PPARA: variants seen among roughly 807,000 people sequenced by gnomAD.
PPARA encodes the protein peroxisome proliferator activated receptor alpha.
Under a neutral mutation model 42.2 loss-of-function variants are expected in PPARA, and 22 were observed. That is an observed-to-expected ratio of 0.52 (90% CI 0.37 to 0.74). The LOEUF is 0.74. Among genes scored for constraint, PPARA ranks in the 30% least tolerant of loss-of-function variants. The pLI, the probability that PPARA is intolerant of heterozygous loss-of-function variation, is 0.00. For synonymous variants in PPARA, 242 were observed against 239.3 expected (o/e 1.01, Z -0.10); for missense variants, 465 against 608.2 (o/e 0.76, Z 2.48).
Position 46,191,053 on chromosome 22 carries a change from C to T in PPARA, c.-42-7289C>T, listed in dbSNP as rs780959276. ...CTAAATATACAAAAAATTAGCCGGG[C>T]GTGGTGGTGTGTGCCTGTAGTCCCA... On this transcript the variant is annotated intron_variant, in intron 3 of 8. Transcript: ENST00000407236. The surrounding 1 kb of genome is among the most constrained non-coding windows in gnomAD (Gnocchi z 4.6). Among the ~76,000 whole-genome samples, 15 of 151,864 alleles carry T rather than the reference C, an allele frequency of 9.9e-5. No homozygotes were observed. Among genetic ancestry groups the T allele is most frequent in the Non-Finnish European group, 1.8e-4 (12 of 67,968 alleles).
At position 46,233,815 on chromosome 22, in the gene PPARA, A is replaced by T. The variant is rs1936044374; in HGVS notation, c.1160-1318A>T. On this transcript the variant is annotated intron_variant, in intron 8 of 8. Transcript: ENST00000407236. This position sits in a 1 kb window ranked among gnomAD's most constrained non-coding sequence, Gnocchi z 7.3. ...TTATGAGGGGGGATTTCTATTTTTCAAAAGATTCCTCCTTTTTTTTTTTTT... is the reference window on the plus strand; with the variant it reads ...TTATGAGGGGGGATTTCTATTTTTCTAAAGATTCCTCCTTTTTTTTTTTTT... 6.6e-6 allele frequency among the ~76,000 whole-genome samples: 1 copy of T among 151,880 alleles called. No individual in the cohort carries two copies. Among genetic ancestry groups the T allele is most frequent in the Non-Finnish European group, 1.5e-5 (1 of 67,990 alleles).
chr22:46,227,471 C>T lies in PPARA; in HGVS notation c.712-4321C>T, dbSNP rs1203135594. ...TTTGCCATGTTGGCCGGGCTGGTCT[C>T]GAAATCCTGACCTCAGGTCATCCAC... On this transcript the variant is annotated intron_variant, in intron 7 of 8. Transcript: ENST00000407236. The surrounding 1 kb of genome is among the most constrained non-coding windows in gnomAD (Gnocchi z 4.3). Among the ~76,000 whole-genome samples the T allele has an allele frequency of 2.6e-5, 4 of 152,202 alleles. No homozygotes were observed. The highest frequency in any genetic ancestry group is 4.8e-5 in the African/African-American group (2 of 41,450).
At chr22:46,214,729 T>G (rs1209286935) in intron 4 of PPARA, among the ~76,000 whole-genome samples, 1 of 140,198 alleles carries the variant, frequency 7.1e-6, no homozygotes, top group Non-Finnish European at 1.5e-5. Context: ...TGTGCAAATC[T>G]GAAGATGTGT....
In PPARA at chr22:46,237,778, G is replaced by A. The variant is rs1037666309; in HGVS notation, c.*2398G>A. 1 of 152,268 alleles carries A rather than the reference G, an allele frequency of 6.6e-6. No homozygotes were observed. Among genetic ancestry groups the A allele is most frequent in the Non-Finnish European group, 1.5e-5 (1 of 68,060 alleles). 9.4% of individuals were successfully genotyped at this position (152,268 alleles called of 1,614,324 possible). A position where few individuals can be genotyped will look rare whatever the true frequency, so the allele number is the denominator to read the frequency against. On this transcript the variant is annotated 3_prime_UTR_variant, in exon 9 of 9. Transcript: ENST00000407236. The surrounding 1 kb of genome is among the most constrained non-coding windows in gnomAD (Gnocchi z 6.7). ...AATTCAGAAAGAAGCTAGCCTTTGA[G>A]TGTCTGTCATGGTGCATCCGTTTCA... is the stretch of plus-strand genomic sequence containing the variant.
chr22:46,234,015 G>A lies in PPARA; in HGVS notation c.1160-1118G>A, dbSNP rs1486327958. ...ATTTTTGTATTTTTAGTAAAGATGG[G>A]GTTTCACCATATTGGCCAGGCTGGT... On this transcript the variant is annotated intron_variant, in intron 8 of 8. Transcript: ENST00000407236. The surrounding 1 kb of genome is among the most constrained non-coding windows in gnomAD (Gnocchi z 5.8). Among the ~76,000 whole-genome samples the A allele has an allele frequency of 6.6e-6, 1 of 151,980 alleles. No homozygotes were observed.
chr22:46,166,567 G>A (rs1350612690), intron 2 of PPARA, among the ~76,000 whole-genome samples: 4 of 150,312 alleles, frequency 2.7e-5, no homozygotes, highest in Admixed American at 1.3e-4. Context: ...GCAGTGAGCC[G>A]AGATCATGCC....
In PPARA at chr22:46,162,559, C is replaced by A. The variant is rs762248144; in HGVS notation, c.-127+10589C>A. ...TTGTAACACCTGGTGCTTTTCCTTT[C>A]GTGCACTCAGGCAGTGTTTATTCAA... On this transcript the variant is annotated intron_variant, in intron 2 of 8. Coordinates refer to ENST00000407236, the MANE Select transcript of PPARA (RefSeq NM_005036.6). This position sits in a 1 kb window ranked among gnomAD's most constrained non-coding sequence, Gnocchi z 6.0. Among the ~76,000 whole-genome samples the A allele has an allele frequency of 3.9e-5, 6 of 152,126 alleles. No individual in the cohort carries two copies. The highest frequency in any genetic ancestry group is 7.3e-5 in the Non-Finnish European group (5 of 68,028).
intron 4 of PPARA, among the ~76,000 whole-genome samples, chr22:46,205,360 G>A (rs564367823): frequency 3.3e-5 from 5 of 150,290 alleles, no homozygotes; most frequent in East Asian, 3.9e-4. Context: ...GAGACTACAG[G>A]TACCTGCCAC....
chr22:46,191,214 A>G lies in PPARA; in HGVS notation c.-42-7128A>G, dbSNP rs1049276256. On this transcript the variant is annotated intron_variant, in intron 3 of 8. Coordinates refer to ENST00000407236, the MANE Select transcript of PPARA (RefSeq NM_005036.6). This position sits in a 1 kb window ranked among gnomAD's most constrained non-coding sequence, Gnocchi z 4.6. ...ATCTATAAAAACAACAACAAAAAAG[A>G]AAATATTTGCAAAGGACCTTCTGGG... 1.3e-5 allele frequency among the ~76,000 whole-genome samples: 2 copies of G among 152,126 alleles called. No homozygotes were observed. The highest frequency in any genetic ancestry group is 2.9e-5 in the Non-Finnish European group (2 of 68,018).
At chr22:46,169,805 G>A (rs1391906893) in intron 2 of PPARA, among the ~76,000 whole-genome samples, 1 of 151,934 alleles carries the variant, frequency 6.6e-6, no homozygotes, top group Non-Finnish European at 1.5e-5. Context: ...TCATGGAAGG[G>A]ACAGCTCAGT....
chr22:46,213,871 G>C (rs1345675466), intron 4 of PPARA, among the ~76,000 whole-genome samples: 3 of 152,208 alleles, frequency 2.0e-5, no homozygotes, highest in African/African-American at 7.2e-5. Flanking sequence ...TTACAGGCGT[G>C]AGCCACCACG....
rs1442332199 is a variant in PPARA, at chr22:46,242,355, C to A, written c.*6975C>A. 2 of 152,636 alleles carry A rather than the reference C, an allele frequency of 1.3e-5. No homozygotes were observed. The highest frequency in any genetic ancestry group is 2.4e-5 in the African/African-American group (1 of 41,458). 9.5% of individuals were successfully genotyped at this position (152,636 alleles called of 1,614,324 possible). On this transcript the variant is annotated 3_prime_UTR_variant, in exon 9 of 9. Coordinates refer to ENST00000407236, the MANE Select transcript of PPARA (RefSeq NM_005036.6). The surrounding 1 kb of genome is among the most constrained non-coding windows in gnomAD (Gnocchi z 6.1). Reference sequence around the variant, plus strand: ...CCGATCATTTCACAATAAAATCACTCACTTTTGGCAACTTCACTTTTTTTA... The same window carrying A: ...CCGATCATTTCACAATAAAATCACTAACTTTTGGCAACTTCACTTTTTTTA...
rs1471526680 is a variant in PPARA, at chr22:46,234,742, CA to C, written c.1160-387del. Among the ~76,000 whole-genome samples, 12 of 152,210 alleles carry C rather than the reference CA, an allele frequency of 7.9e-5. No homozygotes were observed. Among genetic ancestry groups the C allele is most frequent in the African/African-American group, 2.9e-4 (12 of 41,444 alleles). On this transcript the variant is annotated intron_variant, in intron 8 of 8. Transcript: ENST00000407236. This position sits in a 1 kb window ranked among gnomAD's most constrained non-coding sequence, Gnocchi z 5.8. ...TGAAGCTTGATATCTAGTTTGGATT[CA>C]AAAGCTTCATTTCCCATATTATGCA... is the stretch of plus-strand genomic sequence containing the variant.
chr22:46,243,089 C>CAAAGCAG lies in PPARA; in HGVS notation c.*7720_*7726dup, dbSNP rs1476876946. 2.0e-5 allele frequency: 3 copies of CAAAGCAG among 152,586 alleles called. No homozygotes were observed. Among genetic ancestry groups the CAAAGCAG allele is most frequent in the Admixed American group, 1.3e-4 (2 of 15,276 alleles). The allele number at this position is 152,586 out of a possible 1,614,324, so 9.5% of individuals were successfully genotyped here. On this transcript the variant is annotated 3_prime_UTR_variant, in exon 9 of 9. Transcript: ENST00000407236. The surrounding 1 kb of genome is among the most constrained non-coding windows in gnomAD (Gnocchi z 5.0). The stretch of plus-strand genomic sequence containing the variant: ...CTGGCATCCTCCAGGTGGCCCAACC[C>CAAAGCAG]AAAGCAGAAAGCAGAAACCACAGAC...
intron 2 of PPARA, among the ~76,000 whole-genome samples, chr22:46,176,379 T>G (rs1240577339): frequency 6.7e-6 from 1 of 150,082 alleles, no homozygotes; most frequent in Non-Finnish European, 1.5e-5. Flanking sequence ...CCAGCTACTT[T>G]GGAGGCTGAG....
rs1931441102 is a variant in PPARA at position 46,190,844 on chromosome 22, A to C, written c.-42-7498A>C. ...TCACATAGAATATAAAGATGTTTTG[A>C]TAGTTGGGACAGTATTCAGCTACCT... On this transcript the variant is annotated intron_variant, in intron 3 of 8. Transcript: ENST00000407236. This position sits in a 1 kb window ranked among gnomAD's most constrained non-coding sequence, Gnocchi z 5.6. 6.6e-6 allele frequency among the ~76,000 whole-genome samples: 1 copy of C among 152,190 alleles called. No homozygotes were observed. The highest frequency in any genetic ancestry group is 2.1e-4 in the South Asian group (1 of 4,830).
chr22:46,179,852 C>A (rs1368330714), intron 3 of PPARA, among the ~76,000 whole-genome samples: 1 of 152,140 alleles, frequency 6.6e-6, no homozygotes, highest in Non-Finnish European at 1.5e-5. Context: ...AGAAAAAATT[C>A]TCAAAACTCA....
At chr22:46,174,455 T>A (rs1928701420) in intron 2 of PPARA, among the ~76,000 whole-genome samples, 1 of 152,102 alleles carries the variant, frequency 6.6e-6, no homozygotes, top group African/African-American at 2.4e-5. Context: ...ATCCTAGCTA[T>A]GTTTACCATG....
At chr22:46,174,579 A>G (rs960644336) in intron 2 of PPARA, among the ~76,000 whole-genome samples, 34 of 151,964 alleles carry the variant, frequency 2.2e-4, no homozygotes, top group African/African-American at 8.2e-4. Flanking sequence ...CACTTTGGGA[A>G]GCCGAGGTGG....
Sources: allele counts gnomAD v4.1 joint callset (sites outside exome capture counted in the v4.1 genomes callset), GRCh38; gene constraint gnomAD v4.1.1; non-coding constraint Gnocchi (gnomAD v3.1); transcripts MANE v1.5; gene names NCBI Gene and HGNC (gene_info 2026-07-23, HGNC 2026-07-21).